Variants in MEI1 observed in about 807,000 individuals in gnomAD.
MEI1 encodes the protein meiosis inhibitor protein 1.
In MEI1, 103 loss-of-function variants were observed where a neutral mutation model predicts 146.2. The observed-to-expected ratio is 0.70, with a 90% confidence interval of 0.60 to 0.83. MEI1 has a LOEUF of 0.83. MEI1 is among the 40% of genes least tolerant of loss of function. The probability of loss-of-function intolerance (pLI) is 0.00; values close to 1 mark genes in which losing one functional copy is unlikely to be tolerated. For synonymous variants in MEI1, 652 were observed against 628.2 expected, an observed-to-expected ratio of 1.04 and a Z score of -0.57; for missense variants, 1,529 against 1,533.0, an observed-to-expected ratio of 1.00 and a Z score of 0.04.
At chr22:41,745,382 T>C (rs1402059814) in intron 13 of MEI1, among the ~76,000 whole-genome samples, 1 of 152,092 alleles carries the variant, frequency 6.6e-6, no homozygotes, top group African/African-American at 2.4e-5. Context: ...GTTGCTAAAT[T>C]AATTCAGTTT....
At chr22:41,799,059 C>A (rs1056501678) in intron 30 of MEI1, among the ~76,000 whole-genome samples, 195 bp from the exon 31 acceptor site, 2 of 152,100 alleles carry the variant, frequency 1.3e-5, no homozygotes, top group East Asian at 3.9e-4. Flanking sequence ...TTGCCCCTTC[C>A]GTGCAATAGT....
chr22:41,720,597 A>ATTTT (rs71184835), intron 6 of MEI1, among the ~76,000 whole-genome samples: 3 of 124,844 alleles, frequency 2.4e-5, no homozygotes, highest in Non-Finnish European at 4.9e-5. Flanking sequence ...GCCTGGCTCA[A>ATTTT]TTTTTTTTTT....
chr22:41,795,929 G>T lies in MEI1; in HGVS notation c.3779+82G>T. ...TTCTCTTCCTGGGCCAGTTTATGCGGTACCGGAGTAGCAGTGTCCTCTCTC... is the reference window on the plus strand; with the variant it reads ...TTCTCTTCCTGGGCCAGTTTATGCGTTACCGGAGTAGCAGTGTCCTCTCTC... On this transcript the variant is annotated intron_variant, in intron 30 of 30. Coordinates refer to ENST00000401548, the MANE Select transcript of MEI1 (RefSeq NM_152513.4). This position sits in a 1 kb window ranked among gnomAD's most constrained non-coding sequence, Gnocchi z 4.2. 1.2e-6 allele frequency: 2 copies of T among 1,612,190 alleles called. No individual in the cohort carries two copies. Among genetic ancestry groups the T allele is most frequent in the Non-Finnish European group, 1.7e-6 (2 of 1,179,460 alleles).
At chr22:41,751,141 G>A (rs1422097557) in intron 15 of MEI1, among the ~76,000 whole-genome samples, 2 of 152,122 alleles carry the variant, frequency 1.3e-5, no homozygotes, top group Non-Finnish European at 2.9e-5. Context: ...GTAGGAGGGT[G>A]GAGAAACTCT....
intron 3 of MEI1, chr22:41,709,445 C>T: frequency 1.5e-6 from 1 of 675,898 alleles, no homozygotes; most frequent in Non-Finnish European, 2.8e-6. Flanking sequence ...TTCACCTTGG[C>T]TTTATCTCCT....
Position 41,781,377 on chromosome 22 carries a change from C to T in MEI1, c.2909C>T (p.Pro970Leu), listed in dbSNP as rs765063056. Residue 970 changes from proline to leucine, a missense_variant, in exon 23 of 31, where the codon CCC becomes CTC. Coordinates refer to ENST00000401548, the MANE Select transcript of MEI1 (RefSeq NM_152513.4). ...TATTGGAGCCTTCATCAGACCACAC[C>T]CAGCAGTCAGAAAAGAGGTGCAGGG... The part of the protein sequence containing the change: ...FLYWSLHQTT[P>L]SSQKRAAAVL... 1 of 1,613,046 alleles carries T rather than the reference C, an allele frequency of 6.2e-7. No homozygotes were observed. Among genetic ancestry groups the T allele is most frequent in the Non-Finnish European group, 8.5e-7 (1 of 1,179,546 alleles).
At chr22:41,734,111 G>C (rs2072108895) in intron 11 of MEI1, among the ~76,000 whole-genome samples, 1 of 147,302 alleles carries the variant, frequency 6.8e-6, no homozygotes, top group African/African-American at 2.7e-5. Context: ...CTGGGTAACA[G>C]AGTGAAATTC....
chr22:41,747,048 T>G (rs2073351232), intron 14 of MEI1, among the ~76,000 whole-genome samples: 1 of 97,658 alleles, frequency 1.0e-5, no homozygotes, highest in African/African-American at 2.8e-5. Context: ...TATATTACTT[T>G]TATAATAATA....
At chr22:41,700,162 C>T (rs539272520) in intron 1 of MEI1, among the ~76,000 whole-genome samples, 1 of 152,324 alleles carries the variant, frequency 6.6e-6, no homozygotes, top group African/African-American at 2.4e-5. Flanking sequence ...TCCTCATTCC[C>T]TTCAGCTGTC....
chr22:41,721,819 C>CAAGT (rs2070849984), intron 6 of MEI1, among the ~76,000 whole-genome samples: 1 of 139,476 alleles, frequency 7.2e-6, no homozygotes, highest in Non-Finnish European at 1.5e-5. Context: ...CTCCCGGGTT[C>CAAGT]AAGTGATTCT....
chr22:41,751,255 T>A (rs2073730401), intron 15 of MEI1, among the ~76,000 whole-genome samples: 1 of 152,194 alleles, frequency 6.6e-6, no homozygotes, highest in South Asian at 2.1e-4. Flanking sequence ...AGAGTTGCTG[T>A]GAAACCCTGA....
At chr22:41,798,593 T>C (rs1312335697) in intron 30 of MEI1, among the ~76,000 whole-genome samples, 1 of 148,854 alleles carries the variant, frequency 6.7e-6, no homozygotes, top group Admixed American at 6.7e-5. Context: ...AAAAGAAAGC[T>C]TGGGGGCCGG....
intron 14 of MEI1, among the ~76,000 whole-genome samples, chr22:41,747,049 T>TATAATA (rs3045435): frequency 0.64 from 94,959 of 149,300 alleles, 32,915 homozygotes; most frequent in East Asian, 0.9. Context: ...ATATTACTTT[T>TATAATA]ATAATAATAA....
chr22:41,706,183 T>TA (rs1174679240), intron 3 of MEI1, among the ~76,000 whole-genome samples: 1 of 152,038 alleles, frequency 6.6e-6, no homozygotes, highest in Non-Finnish European at 1.5e-5. Flanking sequence ...CATGACTGGC[T>TA]AAAAAAATTT....
At chr22:41,705,009 C>T (rs926711093) in intron 2 of MEI1, among the ~76,000 whole-genome samples, 6 of 152,110 alleles carry the variant, frequency 3.9e-5, no homozygotes, top group East Asian at 1.9e-4. Context: ...CCACCGCGCC[C>T]GGCCAATTGT....
At chr22:41,762,997 A>G (rs773579751) in intron 18 of MEI1, among the ~76,000 whole-genome samples, 177 bp from the exon 19 acceptor site, 6 of 152,186 alleles carry the variant, frequency 3.9e-5, no homozygotes, top group Non-Finnish European at 8.8e-5. Flanking sequence ...AATGTGATGT[A>G]TATATATGGC....
intron 17 of MEI1, among the ~76,000 whole-genome samples, chr22:41,754,960 C>G (rs975840895): frequency 6.6e-6 from 1 of 152,002 alleles, no homozygotes; most frequent in African/African-American, 2.4e-5. Context: ...GGGAAGGCCT[C>G]CATGTGGAAG....
intron 20 of MEI1, among the ~76,000 whole-genome samples, chr22:41,772,143 TG>T (rs2075217486): frequency 6.6e-6 from 1 of 152,232 alleles, no homozygotes; most frequent in Admixed American, 6.5e-5. Context: ...AGCATGTTAC[TG>T]TACTGAATAT....
At chr22:41,704,677 A>G (rs6002445) in intron 2 of MEI1, among the ~76,000 whole-genome samples, 126,803 of 152,038 alleles carry the variant, frequency 0.83, 53,818 homozygotes, top group African/African-American at 0.95. Context: ...GCCTCCCAAA[A>G]TGCTAGGATT....
Sources: allele counts gnomAD v4.1 joint callset (sites outside exome capture counted in the v4.1 genomes callset), GRCh38; gene constraint gnomAD v4.1.1; non-coding constraint Gnocchi (gnomAD v3.1); transcripts MANE v1.5; gene names NCBI Gene and HGNC (gene_info 2026-07-23, HGNC 2026-07-21).